The following KCNQ5 variants were observed in gnomAD, a reference collection of about 807,000 sequenced individuals.
The protein encoded by KCNQ5 is potassium voltage-gated channel subfamily KQT member 5.
A neutral mutation model predicts 98.2 loss-of-function variants in KCNQ5; 30 were observed. The observed-to-expected ratio is 0.31, with a 90% CI of 0.23 to 0.41. The LOEUF (loss-of-function observed/expected upper bound fraction) is 0.41, where lower values mean the gene tolerates loss of function less well. KCNQ5 is among the 10% of genes least tolerant of loss of function. The pLI is 1.00. For synonymous variants in KCNQ5, 458 were observed against 449.4 expected (o/e 1.02, Z -0.24); for missense variants, 835 against 1,182.5 (o/e 0.71, Z 4.31).
At chr6:72,929,537 C>T (rs183615117) in intron 1 of KCNQ5, among the ~76,000 whole-genome samples, 15 of 152,134 alleles carry the variant, frequency 9.9e-5, no homozygotes, top group Non-Finnish European at 2.1e-4. Flanking sequence ...CTTTAAACTG[C>T]AAAATTGTCA....
chr6:72,729,915 T>A (rs1293309567), intron 1 of KCNQ5, among the ~76,000 whole-genome samples: 2 of 152,110 alleles, frequency 1.3e-5, no homozygotes, highest in Non-Finnish European at 2.9e-5. Flanking sequence ...AATCCCAGCA[T>A]TTTGGGAGGC....
intron 3 of KCNQ5, among the ~76,000 whole-genome samples, chr6:73,045,983 AG>A (rs1771940092): frequency 6.6e-6 from 1 of 152,120 alleles, no homozygotes; most frequent in African/African-American, 2.4e-5. Flanking sequence ...AGGACAAAAG[AG>A]GAATAAAATA....
chr6:72,764,716 C>A (rs1258214451), intron 1 of KCNQ5, among the ~76,000 whole-genome samples: 2 of 151,878 alleles, frequency 1.3e-5, no homozygotes, highest in Non-Finnish European at 2.9e-5. Flanking sequence ...TTCATTCTCT[C>A]TATTTTTTGT....
At chr6:72,973,762 G>A (rs542906132) in intron 1 of KCNQ5, among the ~76,000 whole-genome samples, 2 of 152,266 alleles carry the variant, frequency 1.3e-5, no homozygotes, top group African/African-American at 4.8e-5. Flanking sequence ...GTAAAGAACA[G>A]AAACAGTTTT....
At chr6:72,932,389 A>G (rs1765728185) in intron 1 of KCNQ5, among the ~76,000 whole-genome samples, 1 of 152,122 alleles carries the variant, frequency 6.6e-6, no homozygotes, top group South Asian at 2.1e-4. Flanking sequence ...ATAACTGAGA[A>G]GCAGCAAATA....
At chr6:73,148,095 A>G (rs1162335281) in intron 10 of KCNQ5, among the ~76,000 whole-genome samples, 8 of 152,212 alleles carry the variant, frequency 5.3e-5, no homozygotes, top group African/African-American at 1.7e-4. Context: ...CAGTTACTAG[A>G]TGTATGATCA....
At chr6:72,667,241 T>A (rs1766870330) in intron 1 of KCNQ5, among the ~76,000 whole-genome samples, 1 of 152,174 alleles carries the variant, frequency 6.6e-6, no homozygotes, top group South Asian at 2.1e-4. Context: ...GGGCTTGATC[T>A]ATTAAATTAA....
At chr6:72,671,187 A>G (rs1767084325) in intron 1 of KCNQ5, among the ~76,000 whole-genome samples, 1 of 152,122 alleles carries the variant, frequency 6.6e-6, no homozygotes, top group Non-Finnish European at 1.5e-5. Flanking sequence ...TGGAGCTCTC[A>G]GATTTGAGGG....
At chr6:72,793,034 C>A (rs569716633) in intron 1 of KCNQ5, among the ~76,000 whole-genome samples, 1 of 152,074 alleles carries the variant, frequency 6.6e-6, no homozygotes, top group Admixed American at 6.6e-5. Flanking sequence ...ATTGTTACAA[C>A]GTCTGAGCAG....
intron 1 of KCNQ5, among the ~76,000 whole-genome samples, chr6:72,912,747 T>C (rs1465138203): frequency 6.6e-6 from 1 of 152,224 alleles, no homozygotes; most frequent in Non-Finnish European, 1.5e-5. Flanking sequence ...AATAAAAAAG[T>C]TCTCCAATGC....
intron 1 of KCNQ5, among the ~76,000 whole-genome samples, chr6:72,631,182 C>T (rs561289266): frequency 7.9e-5 from 12 of 152,176 alleles, no homozygotes; most frequent in South Asian, 2.1e-4. Context: ...AACAGGTTGG[C>T]GAATTGCAGG....
chr6:73,111,151 T>G (rs975330903), intron 6 of KCNQ5, among the ~76,000 whole-genome samples, 157 bp from the exon 7 acceptor site: 1 of 152,224 alleles, frequency 6.6e-6, no homozygotes, highest in Non-Finnish European at 1.5e-5. Flanking sequence ...GGTATTATAA[T>G]GGAGATAAAT....
At position 73,133,604 on chromosome 6, in the gene KCNQ5, G is replaced by A. The variant is rs753211037; in HGVS notation, c.1431G>A (p.Leu477=). The A allele has an allele frequency of 1.2e-6, 2 of 1,614,200 alleles. No individual in the cohort carries two copies. The highest frequency in any genetic ancestry group is 1.7e-6 in the Non-Finnish European group (2 of 1,180,042). The change falls in exon 10 of 14, where the codon CTG becomes CTA. Residue 477 remains leucine, a synonymous_variant. Transcript: ENST00000370398. ...ACCGAACCCGCTTCCGGCCCTCGCT[G>A]CGCCTCAAAAGTTCTCAGCCAAAAC... is the stretch of plus-strand genomic sequence containing the variant. ...FNDRTRFRPS[L]RLKSSQPKPV... is the part of the protein sequence containing the mutation.
At chr6:72,659,769 G>A (rs986204150) in intron 1 of KCNQ5, among the ~76,000 whole-genome samples, 13 of 152,124 alleles carry the variant, frequency 8.5e-5, no homozygotes, top group Non-Finnish European at 1.0e-4. Flanking sequence ...CTTAGGAGAC[G>A]GATTGTCAAT....
At chr6:72,933,935 T>C (rs1430139843) in intron 1 of KCNQ5, among the ~76,000 whole-genome samples, 1 of 152,036 alleles carries the variant, frequency 6.6e-6, no homozygotes, top group Non-Finnish European at 1.5e-5. Flanking sequence ...AACAAGCAAA[T>C]AAATGTAATT....
chr6:73,065,213 A>G (rs1218118237), intron 3 of KCNQ5, among the ~76,000 whole-genome samples: 1 of 152,130 alleles, frequency 6.6e-6, no homozygotes, highest in Non-Finnish European at 1.5e-5. Flanking sequence ...ACCTATCCCC[A>G]GTGGTATTTC....
chr6:73,106,379 T>A (rs1297589182), intron 6 of KCNQ5, among the ~76,000 whole-genome samples: 1 of 152,200 alleles, frequency 6.6e-6, no homozygotes, highest in Non-Finnish European at 1.5e-5. Flanking sequence ...ACATACTAAC[T>A]ATATGACTGC....
At chr6:72,979,574 T>C (rs1037334210) in intron 1 of KCNQ5, among the ~76,000 whole-genome samples, 12 of 152,246 alleles carry the variant, frequency 7.9e-5, no homozygotes, top group African/African-American at 2.7e-4. Flanking sequence ...CTCTGGATAT[T>C]AGCCCTTTGT....
rs1263849251 is a variant in KCNQ5, at chr6:73,120,439, GCTCT to G, written c.1126-41_1126-38del. 10 of 1,324,360 alleles carry G rather than the reference GCTCT, an allele frequency of 7.6e-6. No homozygotes were observed. The African/African-American group carries it at 1.3e-4, about 17-fold the overall frequency. 82.0% of individuals were successfully genotyped at this position (1,324,360 alleles called of 1,614,324 possible). On this transcript the variant is annotated intron_variant, in intron 7 of 13. Coordinates refer to ENST00000370398, the MANE Select transcript of KCNQ5 (RefSeq NM_019842.4). ...CTCTTTTTATTTTATTCTAAATCCT[GCTCT>G]CTTTTTTCTTTTTCATGTCCCCATC...
Sources: gnomAD v4.1 joint callset for allele counts (sites outside exome capture counted in the v4.1 genomes callset) on GRCh38, gnomAD v4.1.1 for gene constraint, MANE v1.5 for transcripts, NCBI Gene and HGNC (gene_info 2026-07-23, HGNC 2026-07-21) for gene names.